The following KCNMA1 variants were observed in gnomAD, a reference collection of about 807,000 sequenced individuals.
KCNMA1 encodes the protein Calcium-activated potassium channel subunit alpha-1.
KCNMA1 carries 29 observed loss-of-function variants against 140.0 expected under a neutral mutation model. That is an observed-to-expected ratio of 0.21 (90% CI 0.15 to 0.28). KCNMA1 has a LOEUF of 0.28. Among genes scored for constraint, KCNMA1 ranks in the 10% least tolerant of loss-of-function variants. The pLI is 1.00. For synonymous variants in KCNMA1, 612 were observed against 611.9 expected (o/e 1.00, Z 0.00); for missense variants, 880 against 1,602.2 (o/e 0.55, Z 7.70).
At chr10:77,564,612 AG>A (rs2067521054) in intron 1 of KCNMA1, among the ~76,000 whole-genome samples, 2 of 152,186 alleles carry the variant, frequency 1.3e-5, no homozygotes, top group South Asian at 4.1e-4. Flanking sequence ...AATGTAAAAA[AG>A]GTGATTTCAT....
At chr10:76,957,468 AT>A (rs1389703987) in intron 20 of KCNMA1, among the ~76,000 whole-genome samples, 1 of 152,214 alleles carries the variant, frequency 6.6e-6, no homozygotes, top group Non-Finnish European at 1.5e-5. Flanking sequence ...AACAAAAATC[AT>A]GGTTCCAAAA....
At chr10:77,301,821 C>A (rs990767413) in intron 2 of KCNMA1, among the ~76,000 whole-genome samples, 1 of 149,344 alleles carries the variant, frequency 6.7e-6, no homozygotes, top group South Asian at 2.2e-4. Flanking sequence ...CGCTAGGCAT[C>A]CTAGATGCTT....
At chr10:77,064,682 C>A (rs181938712) in intron 14 of KCNMA1, among the ~76,000 whole-genome samples, 65 of 152,334 alleles carry the variant, frequency 4.3e-4, no homozygotes, top group African/African-American at 1.5e-3. Context: ...CTGAGTGGCA[C>A]TGCGGGAGGC....
chr10:77,250,956 G>C, intron 3 of KCNMA1: 1 of 524,750 alleles, frequency 1.9e-6, no homozygotes, highest in Non-Finnish European at 3.4e-6. Flanking sequence ...GTAATACCCA[G>C]CAAGAAGACT....
chr10:77,603,377 C>T (rs536079533), intron 1 of KCNMA1, among the ~76,000 whole-genome samples: 4 of 152,212 alleles, frequency 2.6e-5, no homozygotes, highest in Middle Eastern at 3.4e-3. Context: ...GAATGAGATG[C>T]GTCCATGGAT....
intron 6 of KCNMA1, among the ~76,000 whole-genome samples, chr10:77,120,512 T>G (rs763496378): frequency 5.9e-5 from 9 of 152,202 alleles, no homozygotes; most frequent in Non-Finnish European, 1.2e-4. Context: ...GTATGAGGTT[T>G]GTGATTGCCT....
chr10:77,636,338 C>T (rs1354336838), intron 1 of KCNMA1: 2 of 1,527,270 alleles, frequency 1.3e-6, no homozygotes, highest in Admixed American at 2.0e-5. Context: ...AACCATACAT[C>T]GAAGGTGTCG....
At chr10:76,950,165 T>G (rs1356975845) in intron 21 of KCNMA1, among the ~76,000 whole-genome samples, 1 of 152,220 alleles carries the variant, frequency 6.6e-6, no homozygotes, top group Non-Finnish European at 1.5e-5. Flanking sequence ...AACAGAGATC[T>G]TATACCCTGA....
chr10:77,129,800 A>AT (rs78958545), intron 5 of KCNMA1, among the ~76,000 whole-genome samples: 2 of 152,038 alleles, frequency 1.3e-5, no homozygotes, highest in Non-Finnish European at 2.9e-5. Flanking sequence ...AAAAGAAAAA[A>AT]ATTATCCACA....
intron 3 of KCNMA1, among the ~76,000 whole-genome samples, chr10:77,187,957 A>T (rs1396391599): frequency 6.6e-6 from 1 of 152,136 alleles, no homozygotes; most frequent in African/African-American, 2.4e-5. Flanking sequence ...ATGATCCTTT[A>T]AAAAAAGAAT....
intron 1 of KCNMA1, among the ~76,000 whole-genome samples, chr10:77,595,693 TC>T (rs1405041315): frequency 3.3e-5 from 5 of 152,192 alleles, no homozygotes; most frequent in African/African-American, 1.2e-4. Flanking sequence ...TGAGATGGAC[TC>T]TCACTCTGTT....
At chr10:77,621,546 A>C (rs61854671) in intron 1 of KCNMA1, among the ~76,000 whole-genome samples, 3,882 of 140,416 alleles carry the variant, frequency 0.028, 72 homozygotes, top group Non-Finnish European at 0.042. Flanking sequence ...ACACACACAC[A>C]CCCCTCTCTC....
At chr10:77,356,460 T>C (rs2093486950) in intron 2 of KCNMA1, among the ~76,000 whole-genome samples, 1 of 152,228 alleles carries the variant, frequency 6.6e-6, no homozygotes, top group Non-Finnish European at 1.5e-5. Context: ...TGGAAAAGTG[T>C]GGGCATAGAA....
Position 77,372,314 on chromosome 10 carries a change from C to T in KCNMA1, c.540+31548G>A, listed in dbSNP as rs563448331. 1.1e-4 allele frequency among the ~76,000 whole-genome samples: 16 copies of T among 152,316 alleles called. No homozygotes were observed. The East Asian group carries it at 3.1e-3, about 29-fold the overall frequency. Reference sequence around the variant, plus strand: ...TTCCCATCGCTGCCACTCCCCAGGGCTAAACACAGAACCTGCCACATAACA... The same window carrying T: ...TTCCCATCGCTGCCACTCCCCAGGGTTAAACACAGAACCTGCCACATAACA... On this transcript the variant is annotated intron_variant, in intron 2 of 27. Transcript: ENST00000286628.
chr10:77,274,756 T>C (rs1216871476), intron 2 of KCNMA1, among the ~76,000 whole-genome samples: 1 of 152,190 alleles, frequency 6.6e-6, no homozygotes, highest in Non-Finnish European at 1.5e-5. Context: ...CTGGAGAATG[T>C]AGGTGATTAA....
At chr10:76,981,479 C>T (rs940715374) in intron 19 of KCNMA1, among the ~76,000 whole-genome samples, 2 of 152,112 alleles carry the variant, frequency 1.3e-5, no homozygotes, top group South Asian at 2.1e-4. Context: ...AAATTCACGC[C>T]GTCTGATTGT....
chr10:77,527,427 C>T (rs910925640), intron 1 of KCNMA1, among the ~76,000 whole-genome samples: 8 of 152,206 alleles, frequency 5.3e-5, no homozygotes, highest in African/African-American at 1.9e-4. Flanking sequence ...AGGAATTGCG[C>T]TGTCCTGCAG....
chr10:77,621,201 C>A (rs2091261574), intron 1 of KCNMA1, among the ~76,000 whole-genome samples: 1 of 152,216 alleles, frequency 6.6e-6, no homozygotes, highest in Admixed American at 6.5e-5. Context: ...AAGGAAGATT[C>A]ATAACCACTG....
chr10:77,006,291 GA>G (rs1445881660), intron 18 of KCNMA1, among the ~76,000 whole-genome samples: 4 of 151,690 alleles, frequency 2.6e-5, no homozygotes, highest in Middle Eastern at 3.2e-3. Context: ...TGGGATGGAA[GA>G]AAAAAAACAT....
Sources: gnomAD v4.1 joint callset for allele counts (sites outside exome capture counted in the v4.1 genomes callset) on GRCh38, gnomAD v4.1.1 for gene constraint, MANE v1.5 for transcripts, NCBI Gene and HGNC (gene_info 2026-07-23, HGNC 2026-07-21) for gene names.